Variants in SIPA1L1 observed in about 807,000 individuals in gnomAD.
SIPA1L1 encodes the protein signal-induced proliferation-associated 1-like protein 1.
A neutral mutation model predicts 162.7 loss-of-function variants in SIPA1L1; 26 were observed. The observed-to-expected ratio is 0.16, with a 90% CI of 0.12 to 0.22. The LOEUF (loss-of-function observed/expected upper bound fraction) is 0.22, where lower values mean the gene tolerates loss of function less well. Ranked by LOEUF, SIPA1L1 falls within the 10% of genes least tolerant of loss-of-function variation. The pLI is 1.00. For synonymous variants in SIPA1L1, 829 were observed against 837.4 expected, an observed-to-expected ratio of 0.99 and a Z score of 0.17; for missense variants, 1,874 against 2,241.0, an observed-to-expected ratio of 0.84 and a Z score of 3.31.
At position 71,671,536 on chromosome 14, in the gene SIPA1L1, A is replaced by G; in HGVS notation, c.2673A>G (p.Glu891=). Residue 891 remains glutamate (E), a synonymous_variant, in exon 11 of 24, where the codon GAA becomes GAG. Transcript: ENST00000381232. ...SNEFIVLIEQ[E]TKSVVFNCSC... is the part of the protein sequence containing the mutation. Reference sequence around the variant, plus strand: ...AGTTCATTGTGCTCATTGAACAGGAAACAAAGAGCGTGGTCTTCAATTGTT... The same window carrying G: ...AGTTCATTGTGCTCATTGAACAGGAGACAAAGAGCGTGGTCTTCAATTGTT... 6.2e-7 allele frequency: 1 copy of G among 1,614,218 alleles called. No individual in the cohort carries two copies. Among genetic ancestry groups the G allele is most frequent in the Non-Finnish European group, 8.5e-7 (1 of 1,180,038 alleles).
At chr14:71,373,613 C>T (rs1308295075) in intron 2 of SIPA1L1, among the ~76,000 whole-genome samples, 3 of 147,910 alleles carry the variant, frequency 2.0e-5, no homozygotes, top group Non-Finnish European at 3.0e-5. Flanking sequence ...GCTGAGATCA[C>T]GTCACTGGAC....
chr14:71,686,534 C>CT (rs893338299), intron 13 of SIPA1L1, among the ~76,000 whole-genome samples: 1 of 152,024 alleles, frequency 6.6e-6, no homozygotes, highest in Non-Finnish European at 1.5e-5. Flanking sequence ...TCATCAACTT[C>CT]TTTTTTTTCT....
At chr14:71,523,237 T>C (rs1328955194) in intron 3 of SIPA1L1, among the ~76,000 whole-genome samples, 1 of 152,148 alleles carries the variant, frequency 6.6e-6, no homozygotes, top group Non-Finnish European at 1.5e-5. Flanking sequence ...ATATATGTTT[T>C]TTTTTAGATA....
chr14:71,551,808 CAG>C (rs1468624812), intron 4 of SIPA1L1, among the ~76,000 whole-genome samples: 4 of 152,030 alleles, frequency 2.6e-5, no homozygotes, highest in Non-Finnish European at 5.9e-5. Flanking sequence ...GCTCATGTCC[CAG>C]AGTCTTTCCA....
intron 2 of SIPA1L1, among the ~76,000 whole-genome samples, chr14:71,409,319 G>A (rs2042242545): frequency 6.6e-6 from 1 of 152,152 alleles, no homozygotes; most frequent in Admixed American, 6.5e-5. Flanking sequence ...TGTGGCTAGA[G>A]TAGAGTGGTT....
In SIPA1L1 at chr14:71,447,083, A is replaced by AT. The variant is rs112760691; in HGVS notation, c.-464-65648dup. ...TGCACCACCATGCTCAGCTAATTAC[A>AT]TTTTTTTTTTTTGGTAGAGATAGGG... On this transcript the variant is annotated intron_variant, in intron 2 of 23. Transcript: ENST00000381232. Among the ~76,000 whole-genome samples, 391 of 137,050 alleles carry AT rather than the reference A, an allele frequency of 2.9e-3. 1 individual carries two copies. The highest frequency in any genetic ancestry group is 7.6e-3 in the East Asian group (37 of 4,840). The allele number at this position is 137,050 out of a possible 152,430, so 89.9% of individuals were successfully genotyped here. A position where few individuals can be genotyped will look rare whatever the true frequency, so the allele number is the denominator to read the frequency against.
chr14:71,422,380 C>G (rs1292877505), intron 2 of SIPA1L1, among the ~76,000 whole-genome samples: 1 of 152,142 alleles, frequency 6.6e-6, no homozygotes, highest in Non-Finnish European at 1.5e-5. Context: ...GTATTAAATA[C>G]ATTAATAATG....
intron 2 of SIPA1L1, among the ~76,000 whole-genome samples, chr14:71,411,934 C>T (rs1019192449): frequency 9.9e-5 from 15 of 152,182 alleles, no homozygotes; most frequent in African/African-American, 3.1e-4. Context: ...TAAGTGTGTT[C>T]ATAAATCCTG....
intron 4 of SIPA1L1, among the ~76,000 whole-genome samples, chr14:71,578,497 T>G (rs1046601186): frequency 4.6e-5 from 7 of 152,214 alleles, no homozygotes; most frequent in African/African-American, 1.7e-4. Flanking sequence ...TGAGTATAAC[T>G]TTTGATTCCT....
chr14:71,638,496 T>C (rs980181564), intron 7 of SIPA1L1, among the ~76,000 whole-genome samples: 2 of 152,232 alleles, frequency 1.3e-5, no homozygotes, highest in Non-Finnish European at 2.9e-5. Context: ...AACTTATTTA[T>C]GATAAAAACT....
intron 5 of SIPA1L1, among the ~76,000 whole-genome samples, chr14:71,591,903 A>C (rs779471404): frequency 2.0e-5 from 3 of 152,188 alleles, no homozygotes; most frequent in South Asian, 2.1e-4. Flanking sequence ...GCCTTTATTA[A>C]GTTTGTATAA....
intron 5 of SIPA1L1, 139 bp downstream of exon 5, chr14:71,589,509 A>G: frequency 1.7e-6 from 1 of 577,116 alleles, no homozygotes; most frequent in Non-Finnish European, 2.9e-6. Context: ...TAGCTAAATA[A>G]CCATTTGCTC....
intron 2 of SIPA1L1, among the ~76,000 whole-genome samples, chr14:71,418,497 T>G (rs2042956684): frequency 2.0e-5 from 3 of 152,204 alleles, no homozygotes; most frequent in South Asian, 2.1e-4. Flanking sequence ...CACCCCCTAC[T>G]GTCCCTATTT....
At chr14:71,478,573 T>G (rs2048068354) in intron 2 of SIPA1L1, among the ~76,000 whole-genome samples, 1 of 152,224 alleles carries the variant, frequency 6.6e-6, no homozygotes, top group Non-Finnish European at 1.5e-5. Context: ...TAGATATGGA[T>G]GTCTAATTAT....
intron 7 of SIPA1L1, among the ~76,000 whole-genome samples, chr14:71,643,136 A>G (rs546767854): frequency 2.0e-5 from 3 of 152,312 alleles, no homozygotes; most frequent in Middle Eastern, 3.4e-3. Context: ...AAGAAACTCA[A>G]TGAGCCCTAA....
chr14:71,602,368 T>TA (rs1177038663), intron 5 of SIPA1L1, among the ~76,000 whole-genome samples: 2 of 152,222 alleles, frequency 1.3e-5, no homozygotes, highest in African/African-American at 4.8e-5. Context: ...TTACAGTTTA[T>TA]AGAGTTTCTC....
At chr14:71,594,188 C>T (rs2035757654) in intron 5 of SIPA1L1, among the ~76,000 whole-genome samples, 1 of 152,160 alleles carries the variant, frequency 6.6e-6, no homozygotes, top group African/African-American at 2.4e-5. Flanking sequence ...CCATCTTTAA[C>T]ATAGTTTCTT....
Position 71,740,992 on chromosome 14 carries a change from A to G in SIPA1L1, c.*1831A>G, listed in dbSNP as rs1391451071. ...CAGAGTTCTTGTTTGAAGCCTCTAA[A>G]GACTACCTGTAAAATTCAAAGAATA... On this transcript the variant is annotated 3_prime_UTR_variant, in exon 24 of 24. Coordinates refer to ENST00000381232, the MANE Select transcript of SIPA1L1 (RefSeq NM_001386936.1). 2.6e-5 allele frequency: 4 copies of G among 152,226 alleles called. No homozygotes were observed. Among genetic ancestry groups the G allele is most frequent in the Non-Finnish European group, 4.4e-5 (3 of 68,038 alleles). The allele number at this position is 152,226 out of a possible 1,614,324, so 9.4% of individuals were successfully genotyped here.
At chr14:71,473,760 A>G (rs2047645877) in intron 2 of SIPA1L1, among the ~76,000 whole-genome samples, 1 of 152,228 alleles carries the variant, frequency 6.6e-6, no homozygotes, top group African/African-American at 2.4e-5. Flanking sequence ...AAGTGATGGG[A>G]GAAAAATAAC....
Sources: allele counts gnomAD v4.1 joint callset (sites outside exome capture counted in the v4.1 genomes callset), GRCh38; gene constraint gnomAD v4.1.1; transcripts MANE v1.5; gene names NCBI Gene and HGNC (gene_info 2026-07-23, HGNC 2026-07-21).